EVA1C: variants seen among roughly 807,000 people sequenced by gnomAD.
EVA1C encodes the protein protein eva-1 homolog C.
Under a neutral mutation model 45.4 loss-of-function variants are expected in EVA1C, and 25 were observed. The observed-to-expected ratio is 0.55, with a 90% CI of 0.40 to 0.77. The LOEUF (loss-of-function observed/expected upper bound fraction) is 0.77. EVA1C is among the 30% of genes least tolerant of loss of function. EVA1C has a pLI of 0.00. For synonymous variants in EVA1C, 190 were observed against 221.2 expected (o/e 0.86, Z 1.25); for missense variants, 479 against 554.8 (o/e 0.86, Z 1.37).
intron 7 of EVA1C, among the ~76,000 whole-genome samples, 158 bp downstream of exon 7, chr21:32,504,173 C>A (rs2037649015): frequency 6.6e-6 from 1 of 152,174 alleles, no homozygotes; most frequent in African/African-American, 2.4e-5. Flanking sequence ...ACACAGAGGC[C>A]TGAGTTCAGG....
At chr21:32,472,215 A>G (rs1046540021) in intron 4 of EVA1C, among the ~76,000 whole-genome samples, 1 of 152,056 alleles carries the variant, frequency 6.6e-6, no homozygotes, top group African/African-American at 2.4e-5. Flanking sequence ...CTGGAGTGCA[A>G]TGGTGTGATC....
intron 4 of EVA1C, among the ~76,000 whole-genome samples, chr21:32,482,695 C>T (rs1033106349): frequency 6.6e-6 from 1 of 152,158 alleles, no homozygotes; most frequent in Non-Finnish European, 1.5e-5. Flanking sequence ...GATCCAGGCA[C>T]AAACAATGAA....
At chr21:32,507,778 GTA>G (rs1478639290) in intron 7 of EVA1C, among the ~76,000 whole-genome samples, 3 of 149,866 alleles carry the variant, frequency 2.0e-5, no homozygotes, top group Non-Finnish European at 3.0e-5. Context: ...GCATGTATGT[GTA>G]TCTCTGTGCA....
At chr21:32,476,768 C>A (rs986910403) in intron 4 of EVA1C, among the ~76,000 whole-genome samples, 3 of 152,176 alleles carry the variant, frequency 2.0e-5, no homozygotes, top group Non-Finnish European at 2.9e-5. Context: ...CTGCCCGAGG[C>A]CTGGCTGCCA....
chr21:32,454,660 G>A (rs1601309101), intron 2 of EVA1C, among the ~76,000 whole-genome samples: 1 of 151,914 alleles, frequency 6.6e-6, no homozygotes, highest in South Asian at 2.1e-4. Flanking sequence ...GGAGTTTAGA[G>A]CAGGTGGAAA....
chr21:32,495,834 G>A (rs1054496319), intron 5 of EVA1C, among the ~76,000 whole-genome samples: 5 of 152,190 alleles, frequency 3.3e-5, no homozygotes, highest in African/African-American at 1.2e-4. Flanking sequence ...TAATCCTAAT[G>A]TGTTGACTGC....
chr21:32,411,745 C>T (rs2033834124), upstream of EVA1C, among the ~76,000 whole-genome samples: 1 of 152,238 alleles, frequency 6.6e-6, no homozygotes, highest in Admixed American at 6.5e-5. Flanking sequence ...CTAGCGCCCG[C>T]CCTCCTCCCT....
intron 6 of EVA1C, among the ~76,000 whole-genome samples, chr21:32,503,363 T>C (rs532300330): frequency 1.8e-4 from 27 of 152,238 alleles, no homozygotes; most frequent in African/African-American, 6.3e-4. Context: ...CTGGCCAACA[T>C]GGTGAAGCCC....
At chr21:32,446,911 T>A (rs563443753) in intron 1 of EVA1C, among the ~76,000 whole-genome samples, 5 of 152,300 alleles carry the variant, frequency 3.3e-5, no homozygotes, top group Admixed American at 1.3e-4. Context: ...CTCCTGCCTT[T>A]CCAGCCTGCT....
At chr21:32,444,973 T>TC (rs2035313039) in intron 1 of EVA1C, among the ~76,000 whole-genome samples, 1 of 152,210 alleles carries the variant, frequency 6.6e-6, no homozygotes, top group Admixed American at 6.5e-5. Flanking sequence ...GTTATTTACA[T>TC]CATTCTGGTA....
chr21:32,434,516 G>A (rs928659300), intron 1 of EVA1C, among the ~76,000 whole-genome samples: 42 of 152,008 alleles, frequency 2.8e-4, no homozygotes, highest in East Asian at 1.9e-4. Flanking sequence ...GCATGAACCC[G>A]GGAGGAGGAG....
chr21:32,453,093 C>G (rs1199607660), intron 1 of EVA1C: 1 of 488,726 alleles, frequency 2.0e-6, no homozygotes, highest in African/African-American at 1.9e-5. Context: ...CACTCCCCTG[C>G]CCCCCTTCCA....
At chr21:32,505,008 T>A (rs2037679825) in intron 7 of EVA1C, among the ~76,000 whole-genome samples, 1 of 152,048 alleles carries the variant, frequency 6.6e-6, no homozygotes, top group Non-Finnish European at 1.5e-5. Flanking sequence ...CTCCCCTTTA[T>A]AAAACCATCA....
intron 2 of EVA1C, among the ~76,000 whole-genome samples, chr21:32,455,182 C>T (rs2035732350): frequency 6.6e-6 from 1 of 151,996 alleles, no homozygotes; most frequent in Non-Finnish European, 1.5e-5. Context: ...AACACTACAT[C>T]CTCTAGGGGG....
At chr21:32,453,555 A>T (rs2035666342) in intron 2 of EVA1C, 47 bp downstream of exon 2, 1 of 1,297,424 alleles carries the variant, frequency 7.7e-7, no homozygotes, top group Non-Finnish European at 1.1e-6. Context: ...TTCAACACAC[A>T]CTCTTTCTCT....
intron 4 of EVA1C, among the ~76,000 whole-genome samples, chr21:32,491,146 G>A (rs1401949417): frequency 6.6e-6 from 1 of 152,186 alleles, no homozygotes; most frequent in Non-Finnish European, 1.5e-5. Flanking sequence ...GGAGAAGGAA[G>A]TATTTCCTAG....
chr21:32,420,365 G>C (rs140632495), intron 1 of EVA1C, among the ~76,000 whole-genome samples: 1 of 152,202 alleles, frequency 6.6e-6, no homozygotes, highest in East Asian at 1.9e-4. Context: ...GCGAGACCCT[G>C]TCTCAAGAAA....
chr21:32,499,349 C>T (rs1361068056), intron 5 of EVA1C, among the ~76,000 whole-genome samples: 1 of 152,184 alleles, frequency 6.6e-6, no homozygotes, highest in East Asian at 1.9e-4. Context: ...CTCAGCTCTC[C>T]GGAGCTGCCA....
At chr21:32,497,606 G>A (rs2037395248) in intron 5 of EVA1C, among the ~76,000 whole-genome samples, 1 of 152,078 alleles carries the variant, frequency 6.6e-6, no homozygotes, top group South Asian at 2.1e-4. Flanking sequence ...TGCTTTCAAG[G>A]ATGAGGCAAG....
Sources: allele counts gnomAD v4.1 joint callset (sites outside exome capture counted in the v4.1 genomes callset), GRCh38; gene constraint gnomAD v4.1.1; transcripts MANE v1.5; gene names NCBI Gene and HGNC (gene_info 2026-07-23, HGNC 2026-07-21).